The following MTMR10 variants were observed in gnomAD, a reference collection of about 807,000 sequenced individuals.
The protein encoded by MTMR10 is myotubularin related protein 10.
Under a neutral mutation model 88.1 loss-of-function variants are expected in MTMR10, and 56 were observed. The observed-to-expected ratio is 0.64, with a 90% confidence interval of 0.51 to 0.79. The LOEUF (loss-of-function observed/expected upper bound fraction) is 0.79, where lower values mean the gene tolerates loss of function less well. Among genes scored for constraint, MTMR10 ranks in the 30% least tolerant of loss-of-function variants. MTMR10 has a pLI of 0.00. For missense variants in MTMR10, 883 were observed against 924.7 expected (o/e 0.95, Z 0.58); for synonymous variants, 380 against 340.9 (o/e 1.11, Z -1.26).
chr15:30,959,446 G>A (rs1368840105), intron 7 of MTMR10, among the ~76,000 whole-genome samples: 3 of 152,164 alleles, frequency 2.0e-5, no homozygotes, highest in Non-Finnish European at 4.4e-5. Context: ...ACAGGCTATG[G>A]TTAAGGACAC....
downstream of MTMR10, among the ~76,000 whole-genome samples, chr15:30,936,102 A>C (rs1447023098): frequency 7.0e-6 from 1 of 141,904 alleles, no homozygotes; most frequent in Non-Finnish European, 1.5e-5. Context: ...TTTTTTCTAT[A>C]TTTTACCTAT....
the MTMR10 span, chr15:30,920,484 A>G: frequency 7.6e-6 from 8 of 1,046,944 alleles, no homozygotes; most frequent in African/African-American, 3.2e-5. Flanking sequence ...GTCACTTGTT[A>G]TTATTGTCTT....
chr15:30,986,844 G>A (rs916402393), intron 2 of MTMR10, among the ~76,000 whole-genome samples: 23 of 152,118 alleles, frequency 1.5e-4, no homozygotes, highest in African/African-American at 4.6e-4. Context: ...CAGCATTCTC[G>A]CTATCCAGGA....
chr15:30,926,766 G>T, the MTMR10 span: 17 of 985,292 alleles, frequency 1.7e-5, no homozygotes, highest in African/African-American at 3.5e-5. Context: ...AGGCTGGGAC[G>T]TGGGAGCGCT....
At chr15:30,934,583 G>A (rs2062802282), downstream of MTMR10, among the ~76,000 whole-genome samples, 2 of 152,132 alleles carry the variant, frequency 1.3e-5, no homozygotes, top group South Asian at 4.1e-4. Flanking sequence ...GTTCCACCAT[G>A]TTGCCCAGGC....
chr15:30,952,384 G>C (rs1377481127), intron 11 of MTMR10, among the ~76,000 whole-genome samples: 1 of 152,158 alleles, frequency 6.6e-6, no homozygotes, highest in East Asian at 1.9e-4. Flanking sequence ...TTCTTTTTAA[G>C]AGACAGGCTC....
the MTMR10 span, among the ~76,000 whole-genome samples, chr15:30,930,210 G>T: frequency 1.3e-5 from 2 of 151,594 alleles, no homozygotes; most frequent in Non-Finnish European, 2.9e-5. Context: ...TACCTTCTGT[G>T]TTCCTTCAAC....
intron 2 of MTMR10, among the ~76,000 whole-genome samples, chr15:30,986,251 A>C (rs1461615275): frequency 2.0e-5 from 3 of 152,120 alleles, no homozygotes; most frequent in Non-Finnish European, 4.4e-5. Context: ...CAGGAGGTTG[A>C]AGCTGCAGTA....
chr15:30,928,049 G>A, the MTMR10 span: 1 of 991,858 alleles, frequency 1.0e-6, no homozygotes, highest in Non-Finnish European at 1.2e-6. Context: ...GGGATGAGGT[G>A]CATCAGAGCA....
intron 2 of MTMR10, among the ~76,000 whole-genome samples, chr15:30,985,515 GC>G (rs1223704706): frequency 6.6e-5 from 10 of 152,208 alleles, no homozygotes; most frequent in African/African-American, 2.4e-4. Context: ...CTCTGGCTCT[GC>G]CTTGCTAGCT....
the MTMR10 span, chr15:30,928,089 C>G: frequency 1.0e-6 from 1 of 999,936 alleles, no homozygotes; most frequent in Non-Finnish European, 1.2e-6. Flanking sequence ...ACGGAGGTGG[C>G]TGCTGCCGGC....
At chr15:30,929,692 A>G in the MTMR10 span, among the ~76,000 whole-genome samples, 848 of 87,848 alleles carry the variant, frequency 9.7e-3, 54 homozygotes, top group African/African-American at 0.018. Context: ...TAATATATAT[A>G]AAATATATAT....
intron 11 of MTMR10, among the ~76,000 whole-genome samples, chr15:30,953,146 T>C (rs1230341352): frequency 6.6e-6 from 1 of 151,678 alleles, no homozygotes; most frequent in Non-Finnish European, 1.5e-5. Flanking sequence ...AAGGAAGGGG[T>C]TGACTTATGA....
chr15:30,925,470 C>T, the MTMR10 span, among the ~76,000 whole-genome samples: 1 of 152,218 alleles, frequency 6.6e-6, no homozygotes, highest in Non-Finnish European at 1.5e-5. Flanking sequence ...GCCCTCCTCC[C>T]TGAGGAGACT....
intron 15 of MTMR10, chr15:30,942,639 C>CT (rs1219873048): frequency 6.6e-6 from 3 of 456,406 alleles, no homozygotes; most frequent in African/African-American, 2.0e-5. Flanking sequence ...ATAAATGGGG[C>CT]TTTAGTAAAT....
rs371660432 is a variant in MTMR10, at chr15:30,974,927, G to A, written c.331+4C>T. 4.0e-5 allele frequency: 62 copies of A among 1,541,382 alleles called. No individual in the cohort carries two copies. The African/African-American group carries it at 4.4e-4, about 11-fold the overall frequency. On this transcript the variant is annotated splice_donor_region_variant and intron_variant, in intron 4 of 15. Transcript: ENST00000435680. Reference sequence around the variant, plus strand: ...TTTTAGAGTATGTACGGAATACTACGTACCTGTGACAATTTGCTCAATACA... The same window carrying A: ...TTTTAGAGTATGTACGGAATACTACATACCTGTGACAATTTGCTCAATACA...
At chr15:30,934,448 A>G (rs915676207), downstream of MTMR10, among the ~76,000 whole-genome samples, 2 of 152,236 alleles carry the variant, frequency 1.3e-5, no homozygotes, top group African/African-American at 4.8e-5. Flanking sequence ...TTAAATCCTG[A>G]TACTTATTTT....
At chr15:30,984,251 G>T (rs1271058945) in intron 2 of MTMR10, among the ~76,000 whole-genome samples, 1 of 152,188 alleles carries the variant, frequency 6.6e-6, no homozygotes, top group Non-Finnish European at 1.5e-5. Context: ...GGAGTTTGGA[G>T]GGGTAAGAAA....
At chr15:30,979,396 TAA>T (rs35722257) in intron 2 of MTMR10, among the ~76,000 whole-genome samples, 35 of 146,152 alleles carry the variant, frequency 2.4e-4, no homozygotes, top group South Asian at 4.4e-4. Context: ...CCATCTCTAT[TAA>T]AAAAAAAAAA....
Sources: gnomAD v4.1 joint callset for allele counts (sites outside exome capture counted in the v4.1 genomes callset) on GRCh38, gnomAD v4.1.1 for gene constraint, MANE v1.5 for transcripts, NCBI Gene and HGNC (gene_info 2026-07-23, HGNC 2026-07-21) for gene names.